Variants in TCF12 observed in about 807,000 individuals in gnomAD.
TCF12 encodes transcription factor 12.
TCF12 carries 45 observed loss-of-function variants against 86.0 expected under a neutral mutation model. The observed-to-expected ratio is 0.52, with a 90% CI of 0.41 to 0.67. The LOEUF is 0.67. Among genes scored for constraint, TCF12 ranks in the 30% least tolerant of loss-of-function variants. The probability of loss-of-function intolerance (pLI) is 0.00; values close to 1 mark genes in which losing one functional copy is unlikely to be tolerated. For missense variants in TCF12, 881 were observed against 859.9 expected, an observed-to-expected ratio of 1.02 and a Z score of -0.31; for synonymous variants, 330 against 299.6, an observed-to-expected ratio of 1.10 and a Z score of -1.05.
intron 3 of TCF12, among the ~76,000 whole-genome samples, chr15:56,991,946 T>C (rs1447073236): frequency 6.6e-6 from 1 of 152,118 alleles, no homozygotes; most frequent in African/African-American, 2.4e-5. Context: ...TATGATTCTT[T>C]AGATTTCCTT....
intron 3 of TCF12, among the ~76,000 whole-genome samples, chr15:56,936,339 C>G (rs2060469615): frequency 6.6e-6 from 1 of 151,862 alleles, no homozygotes; most frequent in Non-Finnish European, 1.5e-5. Flanking sequence ...TTTGTTTTTT[C>G]TTGCTAATTT....
intron 3 of TCF12, among the ~76,000 whole-genome samples, chr15:56,989,348 A>C (rs1476104865): frequency 6.6e-6 from 1 of 152,180 alleles, no homozygotes; most frequent in African/African-American, 2.4e-5. Context: ...ATTTTAAGAA[A>C]AAGTTTGCTG....
chr15:57,102,302 A>G (rs2049814502), intron 5 of TCF12, among the ~76,000 whole-genome samples: 1 of 152,218 alleles, frequency 6.6e-6, no homozygotes, highest in Non-Finnish European at 1.5e-5. Context: ...TTGAAGAATT[A>G]ATAAGTTACA....
chr15:57,260,032 G>T (rs1280750409), intron 16 of TCF12, among the ~76,000 whole-genome samples: 2 of 152,178 alleles, frequency 1.3e-5, no homozygotes, highest in Non-Finnish European at 2.9e-5. Context: ...TCAAGCCTTC[G>T]TCTAGTCTGA....
intron 3 of TCF12, among the ~76,000 whole-genome samples, chr15:56,997,170 A>G (rs776092059): frequency 6.6e-5 from 10 of 152,220 alleles, no homozygotes; most frequent in Non-Finnish European, 1.2e-4. Flanking sequence ...AGACACATAT[A>G]CCCGTATGTC....
intron 3 of TCF12, among the ~76,000 whole-genome samples, chr15:57,052,120 A>G (rs914282233): frequency 2.0e-5 from 3 of 152,230 alleles, no homozygotes; most frequent in African/African-American, 7.2e-5. Flanking sequence ...TCTACATGAC[A>G]TTAATTTTTG....
intron 3 of TCF12, among the ~76,000 whole-genome samples, chr15:57,015,895 T>G (rs1317111987): frequency 6.6e-6 from 1 of 152,212 alleles, no homozygotes; most frequent in Non-Finnish European, 1.5e-5. Context: ...AGTTCTTATA[T>G]AGAAGCCAGA....
intron 3 of TCF12, among the ~76,000 whole-genome samples, chr15:56,936,806 G>A (rs1345967044): frequency 2.6e-5 from 4 of 152,024 alleles, no homozygotes; most frequent in African/African-American, 9.7e-5. Context: ...TTATTTCTGG[G>A]TTCTGTATTC....
chr15:56,996,748 C>T (rs1313538437), intron 3 of TCF12, among the ~76,000 whole-genome samples: 1 of 151,394 alleles, frequency 6.6e-6, no homozygotes, highest in Non-Finnish European at 1.5e-5. Context: ...CCAACAAGGT[C>T]TAATGTCCAA....
chr15:57,199,125 G>A (rs1309870290), intron 8 of TCF12, among the ~76,000 whole-genome samples: 1 of 152,158 alleles, frequency 6.6e-6, no homozygotes, highest in African/African-American at 2.4e-5. Context: ...GCTTGCATAA[G>A]CACTTGGGCC....
chr15:57,219,597 C>G lies in TCF12; in HGVS notation c.580-11555C>G, dbSNP rs565109305. ...TTACTACAATGGGAAAACGGTAAGC[C>G]TTTTTCTTTGTATAGCTTCTAACTC... is the stretch of plus-strand genomic sequence containing the variant. On this transcript the variant is annotated intron_variant, in intron 8 of 20. Transcript: ENST00000333725. 3 of 1,611,212 alleles carry G rather than the reference C, an allele frequency of 1.9e-6. No individual in the cohort carries two copies. In the South Asian group the frequency reaches 3.3e-5, roughly 18 times the overall value.
At chr15:57,212,050 G>A (rs1176501475) in intron 8 of TCF12, among the ~76,000 whole-genome samples, 1 of 151,446 alleles carries the variant, frequency 6.6e-6, no homozygotes, top group Non-Finnish European at 1.5e-5. Flanking sequence ...TATGCCAGTG[G>A]ATCACAGCTT....
chr15:57,135,360 G>GT (rs1330779880), intron 5 of TCF12, among the ~76,000 whole-genome samples: 11 of 152,220 alleles, frequency 7.2e-5, no homozygotes, highest in Admixed American at 3.3e-4. Context: ...ATTCTGAGCA[G>GT]TTTTTTTGGT....
intron 8 of TCF12, among the ~76,000 whole-genome samples, chr15:57,224,925 A>G (rs1380574062): frequency 6.6e-6 from 1 of 152,122 alleles, no homozygotes; most frequent in Non-Finnish European, 1.5e-5. Context: ...TCAGGCTTGA[A>G]ATTACCATTA....
intron 5 of TCF12, among the ~76,000 whole-genome samples, chr15:57,119,298 G>GT (rs1374487793): frequency 6.6e-6 from 1 of 150,832 alleles, no homozygotes; most frequent in African/African-American, 2.4e-5. Context: ...TTGTTTTTTT[G>GT]TTTTTTTGGC....
intron 3 of TCF12, among the ~76,000 whole-genome samples, chr15:57,045,891 T>A (rs990281215): frequency 1.6e-4 from 24 of 152,214 alleles, no homozygotes; most frequent in Middle Eastern, 3.4e-3. Context: ...CGGCAGGCTG[T>A]CAGTACTCCA....
chr15:56,985,477 A>G (rs2288662), intron 3 of TCF12, among the ~76,000 whole-genome samples: 1,577 of 152,222 alleles, frequency 0.01, 25 homozygotes, highest in East Asian at 0.065. Context: ...GCTTATTTTG[A>G]CTTAGCTGGT....
intron 3 of TCF12, among the ~76,000 whole-genome samples, chr15:57,030,460 A>C (rs1449312949): frequency 6.6e-6 from 1 of 152,166 alleles, no homozygotes; most frequent in Non-Finnish European, 1.5e-5. Flanking sequence ...TGTGTTGCCC[A>C]GGCTGTTCTC....
chr15:56,931,050 TCTC>T lies in TCF12; in HGVS notation c.148+9962_148+9964del, dbSNP rs769832696. ...TATTATGGAGATCTGTCTCTCTCTC[TCTC>T]CTCCTCCTCTCCCTCGTTCCTTCAC... On this transcript the variant is annotated intron_variant, in intron 3 of 20. Coordinates refer to ENST00000333725, the MANE Select transcript of TCF12 (RefSeq NM_207037.2). Among the ~76,000 whole-genome samples, 4 of 152,168 alleles carry T rather than the reference TCTC, an allele frequency of 2.6e-5. No individual in the cohort carries two copies. The South Asian group carries it at 6.2e-4, about 24-fold the overall frequency.
Sources: allele counts gnomAD v4.1 joint callset (sites outside exome capture counted in the v4.1 genomes callset), GRCh38; gene constraint gnomAD v4.1.1; transcripts MANE v1.5; gene names NCBI Gene and HGNC (gene_info 2026-07-23, HGNC 2026-07-21).